The following NR3C2 variants were observed in gnomAD, a reference collection of about 807,000 sequenced individuals.
NR3C2 encodes the protein nuclear receptor subfamily 3 group C member 2, also known as mineralocorticoid receptor.
A neutral mutation model predicts 86.4 loss-of-function variants in NR3C2; 15 were observed. The observed-to-expected ratio is 0.17, with a 90% CI of 0.12 to 0.27. The LOEUF is 0.27. Among genes scored for constraint, NR3C2 ranks in the 10% least tolerant of loss-of-function variants. The pLI is 1.00. For synonymous variants in NR3C2, 458 were observed against 450.5 expected, an observed-to-expected ratio of 1.02 and a Z score of -0.21; for missense variants, 960 against 1,195.6, an observed-to-expected ratio of 0.80 and a Z score of 2.91.
chr4:148,380,775 AATG>A (rs1401983788), intron 2 of NR3C2, among the ~76,000 whole-genome samples: 3 of 152,190 alleles, frequency 2.0e-5, no homozygotes, highest in East Asian at 1.9e-4. Context: ...GTGCTATAAC[AATG>A]ATGAGTTTTT....
At chr4:148,244,753 T>A (rs1739235944) in intron 3 of NR3C2, among the ~76,000 whole-genome samples, 1 of 152,228 alleles carries the variant, frequency 6.6e-6, no homozygotes. Flanking sequence ...AGTTTTTAAG[T>A]ATCCATGGTC....
intron 2 of NR3C2, among the ~76,000 whole-genome samples, chr4:148,291,239 A>AT (rs910477664): frequency 3.3e-5 from 5 of 151,422 alleles, no homozygotes; most frequent in East Asian, 1.9e-4. Flanking sequence ...ATGACTTAGG[A>AT]TTTTTTTTTC....
intron 6 of NR3C2, among the ~76,000 whole-genome samples, chr4:148,140,959 AGC>A (rs1376406448): frequency 6.6e-6 from 1 of 152,234 alleles, no homozygotes; most frequent in African/African-American, 2.4e-5. Context: ...ATTAACATAC[AGC>A]AGTACTCTTG....
At chr4:148,349,646 GA>G (rs67696981) in intron 2 of NR3C2, among the ~76,000 whole-genome samples, 149,447 of 152,010 alleles carry the variant, frequency 0.98, 73,508 homozygotes, top group East Asian at 1. Context: ...GTGGCTTGGG[GA>G]AAAAAAAATT....
At chr4:148,107,972 C>G (rs1251763033) in intron 8 of NR3C2, among the ~76,000 whole-genome samples, 1 of 151,992 alleles carries the variant, frequency 6.6e-6, no homozygotes, top group Non-Finnish European at 1.5e-5. Flanking sequence ...ACATAACAAA[C>G]CAGCACATTC....
At chr4:148,363,531 T>G (rs962136640) in intron 2 of NR3C2, among the ~76,000 whole-genome samples, 1 of 105,844 alleles carries the variant, frequency 9.4e-6, no homozygotes, top group African/African-American at 3.6e-5. Flanking sequence ...TGAGACGGAG[T>G]GTCGCTCTTT....
At chr4:148,136,056 C>CAAAAAAAAAAAAAAAAAAAAAAAAAAAAA (rs199716496) in intron 6 of NR3C2, among the ~76,000 whole-genome samples, 1 of 71,182 alleles carries the variant, frequency 1.4e-5, no homozygotes, top group Non-Finnish European at 2.7e-5. Context: ...GACTCCGTCT[C>CAAAAAAAAAAAAAAAAAAAAAAAAAAAAA]AAAAAAAAAA....
intron 3 of NR3C2, among the ~76,000 whole-genome samples, chr4:148,244,202 T>TA (rs951482112): frequency 6.6e-6 from 1 of 152,168 alleles, no homozygotes; most frequent in Non-Finnish European, 1.5e-5. Flanking sequence ...AGTGCGCCCT[T>TA]TATCTTAGTG....
chr4:148,366,621 T>C (rs72729966), intron 2 of NR3C2, among the ~76,000 whole-genome samples: 28,839 of 151,908 alleles, frequency 0.19, 3,093 homozygotes, highest in Non-Finnish European at 0.24. Context: ...AAACAACATG[T>C]CTCTATTCTC....
rs1740556072 is a variant in NR3C2 at position 148,269,352 on chromosome 4, C to T, written c.1758-9235G>A. Among the ~76,000 whole-genome samples the T allele has an allele frequency of 3.9e-5, 6 of 152,042 alleles. No individual in the cohort carries two copies. The South Asian group carries it at 1.2e-3, about 32-fold the overall frequency. ...TGTGGTCATTGTTGATACTGTTGAC[C>T]TTATCGACGGTAGTTTTTAAGCATA... On this transcript the variant is annotated intron_variant, in intron 2 of 8. Coordinates refer to ENST00000358102, the MANE Select transcript of NR3C2 (RefSeq NM_000901.5).
upstream of NR3C2, chr4:148,444,437 C>T (rs373226172): frequency 4.6e-5 from 45 of 986,308 alleles, no homozygotes; most frequent in African/African-American, 6.8e-4. Context: ...CTGCCCTGGG[C>T]GCGCAACCTG....
At chr4:148,318,632 A>G (rs1376549312) in intron 2 of NR3C2, among the ~76,000 whole-genome samples, 6 of 152,286 alleles carry the variant, frequency 3.9e-5, no homozygotes, top group Admixed American at 3.9e-4. Context: ...GCCAGTGATG[A>G]TGAGCATTTT....
chr4:148,327,053 T>A (rs1476454554), intron 2 of NR3C2, among the ~76,000 whole-genome samples: 1 of 152,202 alleles, frequency 6.6e-6, no homozygotes, highest in African/African-American at 2.4e-5. Flanking sequence ...GATTATTCAG[T>A]TCTAGAGTTT....
chr4:148,359,844 A>G (rs77689954), intron 2 of NR3C2, among the ~76,000 whole-genome samples: 1,887 of 152,338 alleles, frequency 0.012, 36 homozygotes, highest in African/African-American at 0.042. Flanking sequence ...AATGTACAGG[A>G]GAGCTAAATC....
At chr4:148,242,963 C>T (rs751352330) in intron 3 of NR3C2, among the ~76,000 whole-genome samples, 4 of 150,328 alleles carry the variant, frequency 2.7e-5, no homozygotes, top group Admixed American at 1.3e-4. Flanking sequence ...AAGGTAGGAA[C>T]GTTAATTGGT....
chr4:148,358,813 T>C (rs971984650), intron 2 of NR3C2, among the ~76,000 whole-genome samples: 3 of 152,196 alleles, frequency 2.0e-5, no homozygotes, highest in African/African-American at 7.2e-5. Flanking sequence ...ACCTGGCTAA[T>C]AAGTTAATTT....
At chr4:148,203,753 T>C (rs1393278033) in intron 3 of NR3C2, among the ~76,000 whole-genome samples, 1 of 149,712 alleles carries the variant, frequency 6.7e-6, no homozygotes, top group Non-Finnish European at 1.5e-5. Context: ...AAACATTCGA[T>C]AATTAACTTC....
At chr4:148,270,091 T>TG (rs1255548601) in intron 2 of NR3C2, among the ~76,000 whole-genome samples, 6 of 143,038 alleles carry the variant, frequency 4.2e-5, no homozygotes, top group Admixed American at 1.4e-4. Context: ...TTTTTTTTTT[T>TG]GCTTACCACA....
intron 2 of NR3C2, among the ~76,000 whole-genome samples, chr4:148,292,053 T>C (rs911322395): frequency 2.0e-5 from 3 of 152,134 alleles, no homozygotes; most frequent in African/African-American, 7.2e-5. Flanking sequence ...TATATTACTT[T>C]TGCACCATTG....
Sources: allele counts gnomAD v4.1 joint callset (sites outside exome capture counted in the v4.1 genomes callset), GRCh38; gene constraint gnomAD v4.1.1; transcripts MANE v1.5; gene names NCBI Gene and HGNC (gene_info 2026-07-23, HGNC 2026-07-21).